Variants in GLIS3 observed in about 807,000 individuals in gnomAD.
GLIS3 encodes the protein GLIS family zinc finger 3, also known as zinc finger protein GLIS3.
In GLIS3, 53 loss-of-function variants were observed where a neutral mutation model predicts 78.6. That is an observed-to-expected ratio of 0.67 (90% CI 0.54 to 0.85). The LOEUF (loss-of-function observed/expected upper bound fraction) is 0.85, where lower values mean the gene tolerates loss of function less well. Ranked by LOEUF, GLIS3 falls within the 40% of genes least tolerant of loss-of-function variation. The probability of loss-of-function intolerance (pLI) is 0.00; values close to 1 mark genes in which losing one functional copy is unlikely to be tolerated. For missense variants in GLIS3, 1,703 were observed against 1,231.1 expected, an observed-to-expected ratio of 1.38 and a Z score of -5.74; for synonymous variants, 684 against 509.9, an observed-to-expected ratio of 1.34 and a Z score of -4.60.
the GLIS3 span, among the ~76,000 whole-genome samples, chr9:4,408,866 G>A: frequency 6.6e-6 from 1 of 151,958 alleles, no homozygotes; most frequent in South Asian, 2.1e-4. Flanking sequence ...TGTAACATGG[G>A]ATAAATGCTT....
At chr9:4,205,120 G>A (rs1265568137) in intron 2 of GLIS3, among the ~76,000 whole-genome samples, 1 of 148,978 alleles carries the variant, frequency 6.7e-6, no homozygotes, top group Admixed American at 6.8e-5. Flanking sequence ...AGAATGCAGT[G>A]AGCTGAGATC....
At chr9:4,405,376 A>C in the GLIS3 span, among the ~76,000 whole-genome samples, 1 of 151,534 alleles carries the variant, frequency 6.6e-6, no homozygotes, top group East Asian at 1.9e-4. Flanking sequence ...AAAAAGAAAA[A>C]GAAAAAAGAA....
rs546712827 is a variant in GLIS3 at position 4,208,291 on chromosome 9, G to A, written c.388+77747C>T. Among the ~76,000 whole-genome samples, 5 of 152,278 alleles carry A rather than the reference G, an allele frequency of 3.3e-5. No individual in the cohort carries two copies. In the East Asian group the frequency reaches 5.8e-4, roughly 18 times the overall value. ...CTGATAATTAAGCGGCTTGGGCATG[G>A]GGGATGGAGAGGACTCCTGTTTTAA... On this transcript the variant is annotated intron_variant, in intron 2 of 10. Transcript: ENST00000381971.
intron 4 of GLIS3, among the ~76,000 whole-genome samples, chr9:4,086,924 C>G (rs1271447932): frequency 1.3e-5 from 2 of 152,196 alleles, no homozygotes; most frequent in Non-Finnish European, 2.9e-5. Flanking sequence ...GACATGTCCT[C>G]CACATTGGAC....
chr9:3,927,595 C>T (rs1319930143), intron 6 of GLIS3, among the ~76,000 whole-genome samples: 1 of 152,164 alleles, frequency 6.6e-6, no homozygotes, highest in Non-Finnish European at 1.5e-5. Context: ...AGATATCTTT[C>T]GATATTTTTC....
chr9:4,167,785 T>C (rs1447969501), intron 2 of GLIS3, among the ~76,000 whole-genome samples: 1 of 152,232 alleles, frequency 6.6e-6, no homozygotes, highest in Admixed American at 6.5e-5. Flanking sequence ...CAGTAATACT[T>C]ATTTTCTAAC....
In GLIS3 at chr9:4,294,632, A is replaced by G. The variant is rs370374684; in HGVS notation, c.-99+4789T>C. On this transcript the variant is annotated intron_variant, in intron 1 of 10. Transcript: ENST00000381971. ...TCTACACACCTCTCTTTCAACATTC[A>G]TAACTTTCTACACTACATTACAGTT... Among the ~76,000 whole-genome samples the G allele has an allele frequency of 2.6e-5, 4 of 152,224 alleles. No individual in the cohort carries two copies. In the East Asian group the frequency reaches 5.8e-4, roughly 22 times the overall value.
At chr9:3,928,770 A>G (rs1233422193) in intron 6 of GLIS3, among the ~76,000 whole-genome samples, 4 of 152,246 alleles carry the variant, frequency 2.6e-5, no homozygotes, top group Non-Finnish European at 4.4e-5. Context: ...AGTGAAAGCC[A>G]TCAGCCACAG....
In GLIS3 at chr9:4,269,578, A is replaced by G. The variant is rs113322795; in HGVS notation, c.388+16460T>C. On this transcript the variant is annotated intron_variant, in intron 2 of 10. Coordinates refer to ENST00000381971, the MANE Select transcript of GLIS3 (RefSeq NM_001042413.2). ...ATTTTACCTGATTTCATATTTAGGCACAAGCTTATCTAACTACATCATTAT... is the reference window on the plus strand; with the variant it reads ...ATTTTACCTGATTTCATATTTAGGCGCAAGCTTATCTAACTACATCATTAT... 8.1e-3 allele frequency among the ~76,000 whole-genome samples: 1,236 copies of G among 152,354 alleles called. 5 individuals carry two copies. Among genetic ancestry groups the G allele is most frequent in the Non-Finnish European group, 0.013 (900 of 68,034 alleles).
chr9:3,864,128 T>G (rs1273067356), intron 8 of GLIS3, among the ~76,000 whole-genome samples: 2 of 152,100 alleles, frequency 1.3e-5, no homozygotes, highest in Admixed American at 1.3e-4. Context: ...AGACATTTGA[T>G]GTAAAAAATT....
chr9:4,358,687 A>G, the GLIS3 span, among the ~76,000 whole-genome samples: 10 of 152,192 alleles, frequency 6.6e-5, no homozygotes, highest in Admixed American at 2.6e-4. Flanking sequence ...GTCTTTCTAC[A>G]GATGCTCCAG....
intron 2 of GLIS3, among the ~76,000 whole-genome samples, chr9:4,173,691 G>T (rs191406042): frequency 6.6e-6 from 1 of 151,308 alleles, no homozygotes; most frequent in East Asian, 2.0e-4. Context: ...CAACCTCCTG[G>T]GATCAAAAGA....
At chr9:4,448,043 C>T in the GLIS3 span, among the ~76,000 whole-genome samples, 2 of 152,212 alleles carry the variant, frequency 1.3e-5, no homozygotes, top group Admixed American at 1.3e-4. Flanking sequence ...TGAGCCACCA[C>T]AACCTGCCTG....
intron 3 of GLIS3, chr9:4,123,550 TTTTA>T (rs1469910755): frequency 3.7e-6 from 1 of 271,670 alleles, no homozygotes; most frequent in African/African-American, 2.2e-5. Context: ...AAAATTATAA[TTTTA>T]TTTATACACT....
chr9:4,272,357 T>C (rs571908070), intron 2 of GLIS3, among the ~76,000 whole-genome samples: 1 of 152,094 alleles, frequency 6.6e-6, no homozygotes, highest in Admixed American at 6.5e-5. Flanking sequence ...AGGAAATCAC[T>C]CCCAATTGCC....
At chr9:4,237,294 G>A (rs762191008) in intron 2 of GLIS3, among the ~76,000 whole-genome samples, 3 of 151,738 alleles carry the variant, frequency 2.0e-5, no homozygotes, top group Admixed American at 6.6e-5. Flanking sequence ...GTCTCTAGAC[G>A]GAATATTACA....
In GLIS3 at chr9:4,154,713, G is replaced by C. The variant is rs542177529; in HGVS notation, c.389-28772C>G. Among the ~76,000 whole-genome samples, 6 of 152,282 alleles carry C rather than the reference G, an allele frequency of 3.9e-5. No homozygotes were observed. In the East Asian group the frequency reaches 1.2e-3, roughly 29 times the overall value. ...ACACAATATTCTGCCAGTAGATTGA[G>C]TTGAGAGTGTAATATGTTATATAAA... On this transcript the variant is annotated intron_variant, in intron 2 of 10. Transcript: ENST00000381971.
At chr9:4,390,959 G>C in the GLIS3 span, among the ~76,000 whole-genome samples, 2 of 152,036 alleles carry the variant, frequency 1.3e-5, no homozygotes, top group Admixed American at 1.3e-4. Context: ...TCCACATTGG[G>C]GCCTTTGAGA....
the GLIS3 span, among the ~76,000 whole-genome samples, chr9:4,359,366 G>A: frequency 6.6e-6 from 1 of 152,122 alleles, no homozygotes; most frequent in Non-Finnish European, 1.5e-5. Flanking sequence ...TGGAATCACT[G>A]TCCTTAGAAA....
Sources: gnomAD v4.1 joint callset for allele counts (sites outside exome capture counted in the v4.1 genomes callset) on GRCh38, gnomAD v4.1.1 for gene constraint, MANE v1.5 for transcripts, NCBI Gene and HGNC (gene_info 2026-07-23, HGNC 2026-07-21) for gene names.